The following ZNF529 variants were observed in gnomAD, a reference collection of about 807,000 sequenced individuals.
The protein encoded by ZNF529 is zinc finger protein 529.
ZNF529 carries 11 observed loss-of-function variants against 10.1 expected under a neutral mutation model. The ratio of observed to expected loss-of-function variants is 1.09; its 90% confidence interval spans 0.69 to 1.81. The LOEUF (loss-of-function observed/expected upper bound fraction) is 1.81, where lower values mean the gene tolerates loss of function less well. Ranked by LOEUF, ZNF529 falls within the 40% of genes most tolerant of loss-of-function variation. The probability of loss-of-function intolerance (pLI) is 0.00; values close to 1 mark genes in which losing one functional copy is unlikely to be tolerated. For missense variants in ZNF529, 624 were observed against 666.8 expected, an observed-to-expected ratio of 0.94 and a Z score of 0.71; for synonymous variants, 204 against 215.7, an observed-to-expected ratio of 0.95 and a Z score of 0.47.
intron 2 of ZNF529, among the ~76,000 whole-genome samples, chr19:36,584,779 AAAG>A (rs1315681010): frequency 1.3e-5 from 2 of 152,062 alleles, no homozygotes; most frequent in African/African-American, 4.8e-5. Context: ...AAAAAAAAAA[AAAG>A]AAAGAATGTA....
chr19:36,576,936 G>T (rs1336813940), upstream of ZNF529, among the ~76,000 whole-genome samples: 3 of 151,030 alleles, frequency 2.0e-5, no homozygotes, highest in Non-Finnish European at 4.4e-5. Flanking sequence ...TTACTAGTGA[G>T]TGATTCTACT....
At chr19:36,562,022 GGT>G (rs2035717930) in intron 2 of ZNF529, among the ~76,000 whole-genome samples, 1 of 152,108 alleles carries the variant, frequency 6.6e-6, no homozygotes, top group South Asian at 2.1e-4. Flanking sequence ...GATCATCTGA[GGT>G]GGGGAGTTCA....
chr19:36,573,096 TCACA>T, intron 1 of ZNF529, 40 bp downstream of exon 1: 1 of 205,778 alleles, frequency 4.9e-6, no homozygotes. Context: ...TCTCCGTCTC[TCACA>T]CACACACACC....
In ZNF529 at chr19:36,573,246, G is replaced by C. The variant is rs956280518; in HGVS notation, c.-153C>G. 1 of 311,830 alleles carries C rather than the reference G, an allele frequency of 3.2e-6. No homozygotes were observed. The allele number at this position is 311,830 out of a possible 1,614,324, so 19.3% of individuals were successfully genotyped here. A position where few individuals can be genotyped will look rare whatever the true frequency, so the allele number is the denominator to read the frequency against. On this transcript the variant is annotated 5_prime_UTR_variant, in exon 1 of 5. Coordinates refer to ENST00000591340, the MANE Select transcript of ZNF529 (RefSeq NM_020951.5). ...CACCTCACCGCGAGCTCCTCCCGCA[G>C]CCCGGCCCGGGTCACCTCGACTCGC...
Position 36,556,794 on chromosome 19 carries a change from T to C in ZNF529, c.15-597A>G, listed in dbSNP as rs56295313. Among the ~76,000 whole-genome samples, 424 of 152,300 alleles carry C rather than the reference T, an allele frequency of 2.8e-3. 4 individuals are homozygous for C. Among genetic ancestry groups the C allele is most frequent in the Non-Finnish European group, 5.2e-3 (357 of 68,038 alleles). On this transcript the variant is annotated intron_variant, in intron 2 of 4. Coordinates refer to ENST00000591340, the MANE Select transcript of ZNF529 (RefSeq NM_020951.5). ...CAGCACTAGAATGGTGGCTCTGAGA[T>C]TTTGTCCAGGGGGAGAAGCAGGCCA...
intron 2 of ZNF529, among the ~76,000 whole-genome samples, chr19:36,563,235 C>T (rs2035776172): frequency 6.6e-6 from 1 of 151,994 alleles, no homozygotes; most frequent in African/African-American, 2.4e-5. Context: ...GTCTGGCCAA[C>T]ACAGTGAAAC....
chr19:36,603,104 A>T (rs1409891203), intron 1 of ZNF529, among the ~76,000 whole-genome samples: 2 of 152,142 alleles, frequency 1.3e-5, no homozygotes, highest in Non-Finnish European at 2.9e-5. Context: ...TAAAACAAAA[A>T]AAGTTACTAT....
At chr19:36,558,757 G>A (rs567201924) in intron 2 of ZNF529, among the ~76,000 whole-genome samples, 8 of 151,612 alleles carry the variant, frequency 5.3e-5, no homozygotes, top group African/African-American at 9.7e-5. Flanking sequence ...CAAAAGCACC[G>A]GAAACAAAAG....
At chr19:36,562,043 C>A (rs776799885) in intron 2 of ZNF529, among the ~76,000 whole-genome samples, 37 of 152,106 alleles carry the variant, frequency 2.4e-4, no homozygotes, top group Non-Finnish European at 4.3e-4. Flanking sequence ...CAAGACCAGC[C>A]TGACCAACAT....
upstream of ZNF529, among the ~76,000 whole-genome samples, chr19:36,574,462 C>T (rs1395995964): frequency 6.6e-6 from 1 of 152,126 alleles, no homozygotes; most frequent in African/African-American, 2.4e-5. Context: ...CGCCCACCCC[C>T]GCCTTTCCAT....
intron 2 of ZNF529, among the ~76,000 whole-genome samples, chr19:36,562,281 CTA>C (rs1033219722): frequency 1.3e-5 from 2 of 152,008 alleles, no homozygotes; most frequent in African/African-American, 4.8e-5. Context: ...AAGCACGTAA[CTA>C]GTTTGGTTTC....
intron 2 of ZNF529, among the ~76,000 whole-genome samples, chr19:36,561,383 CTTTT>C (rs78597357): frequency 2.9e-5 from 4 of 137,304 alleles, no homozygotes; most frequent in Non-Finnish European, 3.2e-5. Flanking sequence ...AAAGAGATTT[CTTTT>C]TTTTTTTTTT....
chr19:36,553,942 A>G (rs925014302), intron 4 of ZNF529, among the ~76,000 whole-genome samples: 3 of 152,248 alleles, frequency 2.0e-5, no homozygotes, highest in African/African-American at 7.2e-5. Flanking sequence ...TAAAGTGTAC[A>G]TGAAACATAA....
chr19:36,587,909 G>A (rs1189257626), intron 2 of ZNF529, among the ~76,000 whole-genome samples: 1 of 152,066 alleles, frequency 6.6e-6, no homozygotes, highest in African/African-American at 2.4e-5. Flanking sequence ...AGATACATAC[G>A]ATCTAAAATT....
chr19:36,570,663 C>G (rs2052728), intron 2 of ZNF529, among the ~76,000 whole-genome samples: 1 of 152,008 alleles, frequency 6.6e-6, no homozygotes, highest in African/African-American at 2.4e-5. Context: ...GAGTCCTTCT[C>G]GCAAATCATT....
At chr19:36,595,840 C>A (rs1350656768) in intron 1 of ZNF529, among the ~76,000 whole-genome samples, 2 of 151,938 alleles carry the variant, frequency 1.3e-5, no homozygotes, top group African/African-American at 4.8e-5. Context: ...CTACATTATA[C>A]ATATCTATAT....
At chr19:36,571,484 A>G (rs1465288643) in intron 2 of ZNF529, among the ~76,000 whole-genome samples, 1 of 151,926 alleles carries the variant, frequency 6.6e-6, no homozygotes, top group African/African-American at 2.4e-5. Flanking sequence ...ATACCAGCCC[A>G]GCCAACATGA....
At chr19:36,577,875 C>T (rs1453097623), upstream of ZNF529, 1 of 152,018 alleles carries the variant, frequency 6.6e-6, no homozygotes, top group Non-Finnish European at 1.5e-5. Flanking sequence ...TAGAGCAGGC[C>T]TTCAGTCTTG....
chr19:36,548,139 C>G lies in ZNF529; in HGVS notation c.419G>C (p.Ser140Thr). ...DLQGPEVGYF[S>T]QMKIISENVP... is the part of the protein sequence containing the mutation. ...ATTTTCAGAGATGATTTTCATTTGA[C>G]TGAAATATCCCACTTCAGGTCCTTG... The change falls in exon 5 of 5, where the codon AGT becomes ACT. Residue 140 changes from serine to threonine, a missense_variant. Physicochemically the swap from Ser to Thr is moderately conservative, Grantham distance 58 (BLOSUM62 1). Transcript: ENST00000591340. 1 of 1,613,824 alleles carries G rather than the reference C, an allele frequency of 6.2e-7. No individual in the cohort carries two copies. The highest frequency in any genetic ancestry group is 8.5e-7 in the Non-Finnish European group (1 of 1,179,844).
Sources: gnomAD v4.1 joint callset for allele counts (sites outside exome capture counted in the v4.1 genomes callset) on GRCh38, gnomAD v4.1.1 for gene constraint, MANE v1.5 for transcripts, NCBI Gene and HGNC (gene_info 2026-07-23, HGNC 2026-07-21) for gene names.